Variants in RPGRIP1L observed in about 807,000 individuals in gnomAD.
The protein encoded by RPGRIP1L is RPGRIP1 like.
RPGRIP1L carries 131 observed loss-of-function variants against 160.4 expected under a neutral mutation model. The observed-to-expected ratio is 0.82, with a 90% CI of 0.71 to 0.94. The LOEUF is 0.94. Ranked by LOEUF, RPGRIP1L falls within the 40% of genes least tolerant of loss-of-function variation. The pLI, the probability that RPGRIP1L is intolerant of heterozygous loss-of-function variation, is 0.00. For synonymous variants in RPGRIP1L, 510 were observed against 515.8 expected (o/e 0.99, Z 0.15); for missense variants, 1,522 against 1,535.8 (o/e 0.99, Z 0.15).
intron 10 of RPGRIP1L, 136 bp downstream of exon 10, chr16:53,664,734 A>G: frequency 1.0e-6 from 1 of 979,684 alleles, no homozygotes; most frequent in Non-Finnish European, 1.6e-6. Flanking sequence ...AATTCATGAG[A>G]GTGGATGACT....
chr16:53,669,076 C>T (rs1968505307), intron 9 of RPGRIP1L, among the ~76,000 whole-genome samples: 1 of 152,114 alleles, frequency 6.6e-6, no homozygotes, highest in African/African-American at 2.4e-5. Flanking sequence ...ATCATTATGA[C>T]TAAGCAAACA....
Position 53,606,283 on chromosome 16 carries a change from A to G in RPGRIP1L, c.3702-669T>C, listed in dbSNP as rs1029299257. Among the ~76,000 whole-genome samples the G allele has an allele frequency of 5.3e-5, 8 of 152,334 alleles. No homozygotes were observed. The East Asian group carries it at 1.5e-3, about 29-fold the overall frequency. On this transcript the variant is annotated intron_variant, in intron 25 of 26. Coordinates refer to ENST00000647211, the MANE Select transcript of RPGRIP1L (RefSeq NM_015272.5). ...TGATTTGAATTAGTGGCTTGTGCGGAGGCCAAATGCACTTGGATTGACCAA... is the reference window on the plus strand; with the variant it reads ...TGATTTGAATTAGTGGCTTGTGCGGGGGCCAAATGCACTTGGATTGACCAA...
chr16:53,625,362 GC>G (rs2150987162), intron 22 of RPGRIP1L, among the ~76,000 whole-genome samples: 1 of 150,726 alleles, frequency 6.6e-6, no homozygotes, highest in Non-Finnish European at 1.5e-5. Context: ...GAGCGCCTCC[GC>G]CCGGCCGCCA....
chr16:53,636,033 T>C (rs186653598), intron 22 of RPGRIP1L, among the ~76,000 whole-genome samples: 1 of 152,278 alleles, frequency 6.6e-6, no homozygotes, highest in African/African-American at 2.4e-5. Context: ...AGTGGATATA[T>C]CTAGGTAAGA....
At position 53,601,168 on chromosome 16, in the gene RPGRIP1L, A is replaced by G. The variant is rs1963361731; in HGVS notation, c.*908T>C. The G allele has an allele frequency of 6.6e-6, 1 of 152,640 alleles. No individual in the cohort carries two copies. The highest frequency in any genetic ancestry group is 1.5e-5 in the Non-Finnish European group (1 of 68,034). The allele number at this position is 152,640 out of a possible 1,614,324, so 9.5% of individuals were successfully genotyped here. ...AGAGCTGCTTTTCGAGGATCTGGTT[A>G]CCCAGATACACCCTGGCACTGTACT... is the stretch of plus-strand genomic sequence containing the variant. On this transcript the variant is annotated 3_prime_UTR_variant, in exon 27 of 27. Coordinates refer to ENST00000647211, the MANE Select transcript of RPGRIP1L (RefSeq NM_015272.5).
intron 10 of RPGRIP1L, among the ~76,000 whole-genome samples, chr16:53,660,821 A>T (rs1198522894): frequency 6.7e-6 from 1 of 150,326 alleles, no homozygotes; most frequent in African/African-American, 2.4e-5. Flanking sequence ...TGAACCCAGG[A>T]GGCAGAGGTT....
rs1392391101 is a variant in RPGRIP1L at position 53,692,157 on chromosome 16, C to T, written c.438G>A (p.Arg146=). The stretch of plus-strand genomic sequence containing the variant: ...ATTGTACATTATTGTATGGAGTTTG[C>T]CTGTAACCCTGGGTTTGAAGTTGCT... ...AKQQLQTQGY[R]QTPYNNVQSR... Residue 146 remains arginine (R), a synonymous_variant, in exon 4 of 27, where the codon AGG becomes AGA. Transcript: ENST00000647211. 6.2e-7 allele frequency: 1 copy of T among 1,613,992 alleles called. No individual in the cohort carries two copies. Among genetic ancestry groups the T allele is most frequent in the African/African-American group, 1.3e-5 (1 of 74,984 alleles).
intron 1 of RPGRIP1L, 86 bp from the exon 2 acceptor site, chr16:53,700,816 G>A: frequency 1.0e-6 from 1 of 1,003,140 alleles, no homozygotes; most frequent in Non-Finnish European, 1.6e-6. Context: ...AACGAAAAAG[G>A]GACTAGAACT....
At chr16:53,645,312 A>G (rs1013838647) in intron 17 of RPGRIP1L, among the ~76,000 whole-genome samples, 3 of 152,028 alleles carry the variant, frequency 2.0e-5, no homozygotes, top group Non-Finnish European at 2.9e-5. Context: ...TATATACAAT[A>G]ATAATTGCAA....
intron 8 of RPGRIP1L, 23 bp from the exon 9 acceptor site, chr16:53,671,606 T>C (rs901752526): frequency 1.6e-6 from 2 of 1,272,376 alleles, no homozygotes; most frequent in South Asian, 1.3e-5. Context: ...TAAAATTACA[T>C]ATTAAGTAAA....
intron 9 of RPGRIP1L, among the ~76,000 whole-genome samples, chr16:53,666,080 AT>A (rs1382064183): frequency 1.3e-5 from 2 of 152,210 alleles, no homozygotes; most frequent in Non-Finnish European, 1.5e-5. Flanking sequence ...GTTTTATACG[AT>A]GATGAAGTAA....
At chr16:53,695,140 G>A (rs760036858) in intron 3 of RPGRIP1L, 17 of 550,274 alleles carry the variant, frequency 3.1e-5, no homozygotes, top group Middle Eastern at 3.7e-4. Context: ...ATGTGAATTC[G>A]ATTCTTTTAC....
chr16:53,672,699 A>C (rs749814126), intron 8 of RPGRIP1L, among the ~76,000 whole-genome samples, 171 bp downstream of exon 8: 17 of 152,194 alleles, frequency 1.1e-4, no homozygotes, highest in Non-Finnish European at 1.8e-4. Flanking sequence ...ACAGTTAAAC[A>C]CTGATTTGCC....
chr16:53,695,397 G>A (rs1440243712), intron 3 of RPGRIP1L: 1 of 702,832 alleles, frequency 1.4e-6, no homozygotes, highest in African/African-American at 1.7e-5. Flanking sequence ...TCCTTAGGAT[G>A]GATTCTAAGC....
At chr16:53,692,431 G>T in intron 3 of RPGRIP1L, 67 bp from the exon 4 acceptor site, 2 of 1,452,252 alleles carry the variant, frequency 1.4e-6, no homozygotes, top group South Asian at 2.3e-5. Context: ...CTGTTGAAAG[G>T]AACATAATCA....
intron 22 of RPGRIP1L, chr16:53,628,557 T>C (rs1965319460): frequency 6.6e-6 from 1 of 152,214 alleles, no homozygotes; most frequent in African/African-American, 2.4e-5. Context: ...ATTTTGATTG[T>C]TTAATAACTG....
At chr16:53,676,348 C>T (rs185402236) in intron 6 of RPGRIP1L, among the ~76,000 whole-genome samples, 1,543 of 152,018 alleles carry the variant, frequency 0.01, 7 homozygotes, top group Middle Eastern at 0.055. Flanking sequence ...CAACAATATA[C>T]TCACTAATAT....
chr16:53,615,464 ATATATATATTT>A (rs982913169), intron 24 of RPGRIP1L, among the ~76,000 whole-genome samples: 4 of 66,348 alleles, frequency 6.0e-5, no homozygotes, highest in African/African-American at 2.5e-4. Context: ...ATATATATAT[ATATATATATTT>A]TTTTTTTTTT....
At chr16:53,686,652 T>C (rs1276869809) in intron 5 of RPGRIP1L, 76 bp from the exon 6 acceptor site, 1 of 1,488,074 alleles carries the variant, frequency 6.7e-7, no homozygotes, top group African/African-American at 1.4e-5. Context: ...GCAAAGAAAG[T>C]TCTTCATGAA....
Sources: allele counts gnomAD v4.1 joint callset (sites outside exome capture counted in the v4.1 genomes callset), GRCh38; gene constraint gnomAD v4.1.1; transcripts MANE v1.5; gene names NCBI Gene and HGNC (gene_info 2026-07-23, HGNC 2026-07-21).